The following DESI1 variants were observed in gnomAD, a reference collection of about 807,000 sequenced individuals.
DESI1 encodes PPPDE peptidase domain containing 2.
DESI1 carries 17 observed loss-of-function variants against 22.4 expected under a neutral mutation model. The observed-to-expected ratio is 0.76, with a 90% CI of 0.52 to 1.14. The LOEUF (loss-of-function observed/expected upper bound fraction) is 1.14. Ranked by LOEUF, DESI1 falls within the 50% of genes most tolerant of loss-of-function variation. DESI1 has a pLI of 0.00. For missense variants in DESI1, 177 were observed against 208.9 expected (o/e 0.85, Z 0.94); for synonymous variants, 92 against 84.2 (o/e 1.09, Z -0.51).
chr22:41,615,034 C>T (rs1569071121), intron 1 of DESI1, among the ~76,000 whole-genome samples: 1 of 151,628 alleles, frequency 6.6e-6, no homozygotes, highest in Non-Finnish European at 1.5e-5. Flanking sequence ...TGCAGTGGCT[C>T]ACGCCTGTAA....
intron 1 of DESI1, among the ~76,000 whole-genome samples, chr22:41,615,729 G>A (rs532214689): frequency 4.6e-5 from 7 of 152,290 alleles, no homozygotes; most frequent in Admixed American, 4.6e-4. Context: ...ATATAGGAAG[G>A]GGACAGAGTC....
rs117746336 is a variant in DESI1, at chr22:41,616,671, G to A, written c.88+4081C>T. 6.6e-5 allele frequency among the ~76,000 whole-genome samples: 10 copies of A among 152,166 alleles called. No homozygotes were observed. The East Asian group carries it at 1.5e-3, about 23-fold the overall frequency. On this transcript the variant is annotated intron_variant, in intron 1 of 5. Coordinates refer to ENST00000263256, the MANE Select transcript of DESI1 (RefSeq NM_015704.3). ...ACACTTATAATAGCTAATTATTTTA[G>A]GCAATTGGTGACTATGAAAAAAGGT...
chr22:41,613,104 T>C (rs958837260), intron 1 of DESI1, among the ~76,000 whole-genome samples: 2 of 152,198 alleles, frequency 1.3e-5, no homozygotes, highest in Non-Finnish European at 2.9e-5. Context: ...TTAAGTTAAA[T>C]AAATGCACAA....
chr22:41,620,470 G>A (rs901943678), intron 1 of DESI1, among the ~76,000 whole-genome samples: 1 of 152,096 alleles, frequency 6.6e-6, no homozygotes, highest in African/African-American at 2.4e-5. Context: ...TCGTCGAAGG[G>A]GCTCTCGAGG....
intron 2 of DESI1, 82 bp from the exon 3 acceptor site, chr22:41,607,413 T>C (rs531117660): frequency 3.6e-4 from 502 of 1,381,200 alleles, no homozygotes; most frequent in Non-Finnish European, 4.6e-4. Context: ...ATGAGAGTAA[T>C]TTCTGCCCAA....
rs1447709822 is a variant in DESI1 at position 41,600,008 on chromosome 22, GTC to G, written c.*1087_*1088del. 1.3e-5 allele frequency: 2 copies of G among 151,760 alleles called. No individual in the cohort carries two copies. Among genetic ancestry groups the G allele is most frequent in the Admixed American group, 1.3e-4 (2 of 15,256 alleles). The allele number at this position is 151,760 out of a possible 1,614,324, so 9.4% of individuals were successfully genotyped here. On this transcript the variant is annotated 3_prime_UTR_variant, in exon 6 of 6. Coordinates refer to ENST00000263256, the MANE Select transcript of DESI1 (RefSeq NM_015704.3). ...AGCCTGGCCAACATGGCAAAACCCT[GTC>G]TCTACTGAAAATACAAAAATTAGCC... is the stretch of plus-strand genomic sequence containing the variant.
At position 41,603,395 on chromosome 22, in the gene DESI1, G is replaced by C. The variant is rs1213984282; in HGVS notation, c.291-14C>G. The C allele has an allele frequency of 1.2e-6, 2 of 1,614,026 alleles. No homozygotes were observed. The highest frequency in any genetic ancestry group is 2.7e-5 in the African/African-American group (2 of 74,930). The stretch of plus-strand genomic sequence containing the variant: ...TAGGCCTCACCTCTGTACATTGAAA[G>C]GTTTGCAGAACATATATGAGAAACC... On this transcript the variant is annotated splice_polypyrimidine_tract_variant and intron_variant, in intron 4 of 5. Coordinates refer to ENST00000263256, the MANE Select transcript of DESI1 (RefSeq NM_015704.3).
At position 41,610,310 on chromosome 22, in the gene DESI1, T is replaced by C. The variant is rs189304168; in HGVS notation, c.89-2449A>G. 3.6e-3 allele frequency among the ~76,000 whole-genome samples: 523 copies of C among 144,772 alleles called. 3 individuals are homozygous for C. Among genetic ancestry groups the C allele is most frequent in the African/African-American group, 0.013 (496 of 38,744 alleles). 95.0% of individuals were successfully genotyped at this position (144,772 alleles called of 152,430 possible). A position where few individuals can be genotyped will look rare whatever the true frequency, so the allele number is the denominator to read the frequency against. Reference sequence around the variant, plus strand: ...AGGAAAATCGTTTGAACCTGGGAGGTGGAGGTTGCAGTGAGCCGAGATCGT... The same window carrying C: ...AGGAAAATCGTTTGAACCTGGGAGGCGGAGGTTGCAGTGAGCCGAGATCGT... On this transcript the variant is annotated intron_variant, in intron 1 of 5. Transcript: ENST00000263256.
intron 1 of DESI1, among the ~76,000 whole-genome samples, chr22:41,613,671 G>T (rs534803023): frequency 6.6e-6 from 1 of 152,334 alleles, no homozygotes; most frequent in African/African-American, 2.4e-5. Context: ...TGCCTGGCTT[G>T]TTATTGCAAT....
chr22:41,613,937 G>A (rs948735886), intron 1 of DESI1, among the ~76,000 whole-genome samples: 12 of 152,058 alleles, frequency 7.9e-5, no homozygotes, highest in African/African-American at 2.4e-4. Flanking sequence ...TAAGCTACAC[G>A]CCACACTTCC....
intron 5 of DESI1, chr22:41,602,849 A>C (rs2067457154): frequency 3.8e-6 from 4 of 1,049,878 alleles, no homozygotes; most frequent in Non-Finnish European, 4.7e-6. Flanking sequence ...GGTGCAGTGT[A>C]AGGCAAATCA....
chr22:41,606,747 C>A (rs138407461), intron 3 of DESI1, among the ~76,000 whole-genome samples: 1 of 116,184 alleles, frequency 8.6e-6, no homozygotes, highest in South Asian at 2.9e-4. Context: ...GCACTTCAGT[C>A]TGGGCGACGG....
At chr22:41,601,731 C>T (rs1013949167) in intron 5 of DESI1, among the ~76,000 whole-genome samples, 1 of 152,112 alleles carries the variant, frequency 6.6e-6, no homozygotes, top group Non-Finnish European at 1.5e-5. Flanking sequence ...TTCTTTCACC[C>T]CGAGACAGAG....
At chr22:41,614,740 G>A (rs1374112074) in intron 1 of DESI1, among the ~76,000 whole-genome samples, 1 of 151,298 alleles carries the variant, frequency 6.6e-6, no homozygotes, top group Admixed American at 6.6e-5. Context: ...ATGCGCCACC[G>A]TGCCCAGTTA....
In DESI1 at chr22:41,620,922, A is replaced by C. The variant is rs1048619543; in HGVS notation, c.-83T>G. On this transcript the variant is annotated 5_prime_UTR_variant, in exon 1 of 6. Coordinates refer to ENST00000263256, the MANE Select transcript of DESI1 (RefSeq NM_015704.3). The stretch of plus-strand genomic sequence containing the variant: ...CCTTCCCGTACCCGACGGGAGTGCG[A>C]AGCGGAGGGAGAGGGGGGGACCGAG... The C allele has an allele frequency of 1.3e-5, 19 of 1,495,056 alleles. No homozygotes were observed. Among genetic ancestry groups the C allele is most frequent in the Non-Finnish European group, 1.6e-5 (18 of 1,099,416 alleles). 92.6% of individuals were successfully genotyped at this position (1,495,056 alleles called of 1,614,324 possible).
chr22:41,602,085 T>C (rs1399429956), intron 5 of DESI1: 1 of 511,948 alleles, frequency 2.0e-6, no homozygotes, highest in Non-Finnish European at 2.5e-6. Context: ...ATACTGGAGT[T>C]TGGAGATTTT....
At chr22:41,601,604 A>C (rs946669599) in intron 5 of DESI1, among the ~76,000 whole-genome samples, 11 of 152,212 alleles carry the variant, frequency 7.2e-5, no homozygotes, top group African/African-American at 2.7e-4. Context: ...ATGAAAAAGA[A>C]GACAAAGGGG....
intron 3 of DESI1, among the ~76,000 whole-genome samples, chr22:41,606,773 CAAAAAAAA>C (rs67262006): frequency 4.1e-4 from 26 of 62,738 alleles, no homozygotes; most frequent in Middle Eastern, 0.023. Context: ...GACTCCATCT[CAAAAAAAA>C]AAAAAAAAAA....
chr22:41,598,412 G>T lies in DESI1; in HGVS notation c.*2685C>A. On this transcript the variant is annotated 3_prime_UTR_variant, in exon 6 of 6. Coordinates refer to ENST00000263256, the MANE Select transcript of DESI1 (RefSeq NM_015704.3). ...AGTGACAGTGGGGCTCCCATTGGGA[G>T]GGAGAGCTTGCCTTCCCATGGAGCT... 6.6e-6 allele frequency: 1 copy of T among 152,354 alleles called. No homozygotes were observed. 9.4% of individuals were successfully genotyped at this position (152,354 alleles called of 1,614,324 possible). A position where few individuals can be genotyped will look rare whatever the true frequency, so the allele number is the denominator to read the frequency against.
Sources: gnomAD v4.1 joint callset for allele counts (sites outside exome capture counted in the v4.1 genomes callset) on GRCh38, gnomAD v4.1.1 for gene constraint, MANE v1.5 for transcripts, NCBI Gene and HGNC (gene_info 2026-07-23, HGNC 2026-07-21) for gene names.